Variants in SLC9A9 observed in about 807,000 individuals in gnomAD.
SLC9A9 encodes sodium/hydrogen exchanger 9.
A neutral mutation model predicts 77.8 loss-of-function variants in SLC9A9; 62 were observed. The ratio of observed to expected loss-of-function variants is 0.80; its 90% CI spans 0.65 to 0.98. The LOEUF is 0.98. Among genes scored for constraint, SLC9A9 ranks in the 50% least tolerant of loss-of-function variants. SLC9A9 has a pLI of 0.00. For missense variants in SLC9A9, 775 were observed against 774.9 expected (o/e 1.00, Z 0.00); for synonymous variants, 320 against 283.5 (o/e 1.13, Z -1.29).
At chr3:143,661,177 G>A (rs560419606) in intron 5 of SLC9A9, among the ~76,000 whole-genome samples, 8 of 152,320 alleles carry the variant, frequency 5.3e-5, no homozygotes, top group African/African-American at 1.9e-4. Context: ...AGGGGAGCAA[G>A]CCAAAAGTCA....
intron 4 of SLC9A9, among the ~76,000 whole-genome samples, chr3:143,765,815 T>C (rs1020105209): frequency 1.3e-5 from 2 of 152,332 alleles, no homozygotes; most frequent in African/African-American, 4.8e-5. Flanking sequence ...TCTCTGACTG[T>C]AGCCTCAGGC....
At chr3:143,709,358 A>G (rs2108795090) in intron 4 of SLC9A9, among the ~76,000 whole-genome samples, 1 of 152,252 alleles carries the variant, frequency 6.6e-6, no homozygotes, top group East Asian at 1.9e-4. Context: ...GCTCGAAATT[A>G]ATACCCCTGG....
intron 9 of SLC9A9, among the ~76,000 whole-genome samples, chr3:143,545,838 C>A (rs1357311048): frequency 6.6e-6 from 1 of 152,194 alleles, no homozygotes; most frequent in Non-Finnish European, 1.5e-5. Flanking sequence ...AGTTAAATGG[C>A]AAACTCTAAT....
At chr3:143,643,191 G>A (rs2038650949) in intron 6 of SLC9A9, among the ~76,000 whole-genome samples, 1 of 152,166 alleles carries the variant, frequency 6.6e-6, no homozygotes, top group African/African-American at 2.4e-5. Context: ...GGCAGTTTCA[G>A]TGTATTTGGA....
chr3:143,370,525 T>A (rs918197742), intron 13 of SLC9A9, among the ~76,000 whole-genome samples: 1 of 150,792 alleles, frequency 6.6e-6, no homozygotes, highest in African/African-American at 2.4e-5. Context: ...GTTGGTGTGA[T>A]AACTCTTTTA....
chr3:143,614,878 T>C (rs1289719687), intron 6 of SLC9A9, among the ~76,000 whole-genome samples: 1 of 152,214 alleles, frequency 6.6e-6, no homozygotes, highest in Non-Finnish European at 1.5e-5. Flanking sequence ...CTTAAGTCCA[T>C]GTATTGAAAT....
intron 5 of SLC9A9, among the ~76,000 whole-genome samples, chr3:143,659,584 T>C (rs1035558252): frequency 5.9e-5 from 9 of 152,044 alleles, no homozygotes; most frequent in African/African-American, 1.9e-4. Flanking sequence ...ACAAGAGTAA[T>C]ATTGAGAAGA....
chr3:143,769,037 C>A (rs1241883897), intron 4 of SLC9A9, among the ~76,000 whole-genome samples: 2 of 152,026 alleles, frequency 1.3e-5, no homozygotes, highest in African/African-American at 4.8e-5. Context: ...CTTTTCTGTG[C>A]CTTAGTTTCC....
chr3:143,588,949 C>G (rs4839645), intron 6 of SLC9A9, among the ~76,000 whole-genome samples: 70,654 of 151,960 alleles, frequency 0.46, 17,730 homozygotes, highest in African/African-American at 0.67. Flanking sequence ...AGAATGCTGT[C>G]ATATGCGAAA....
intron 6 of SLC9A9, chr3:143,627,558 T>C: frequency 3.1e-6 from 1 of 318,894 alleles, no homozygotes; most frequent in South Asian, 3.7e-5. Context: ...AGTGGAACTA[T>C]GTAGTCAGCG....
At chr3:143,405,769 T>C (rs1274374778) in intron 12 of SLC9A9, among the ~76,000 whole-genome samples, 4 of 152,180 alleles carry the variant, frequency 2.6e-5, no homozygotes, top group African/African-American at 4.8e-5. Flanking sequence ...GTTGTATTCA[T>C]TGGGAGTAGT....
At chr3:143,357,126 T>C (rs776944166) in intron 14 of SLC9A9, among the ~76,000 whole-genome samples, 6 of 152,236 alleles carry the variant, frequency 3.9e-5, no homozygotes, top group African/African-American at 7.2e-5. Flanking sequence ...TGATTGCTTA[T>C]GTTTACTTCA....
intron 2 of SLC9A9, among the ~76,000 whole-genome samples, chr3:143,804,868 ATATCACAAACTT>A (rs1330969812): frequency 2.0e-5 from 3 of 152,190 alleles, no homozygotes; most frequent in Admixed American, 1.3e-4. Context: ...CATCACAGAC[ATATCACAAACTT>A]TATCAGTCCT....
chr3:143,544,334 C>T (rs1311858932), intron 9 of SLC9A9, among the ~76,000 whole-genome samples: 1 of 152,130 alleles, frequency 6.6e-6, no homozygotes, highest in African/African-American at 2.4e-5. Flanking sequence ...TCATGCCATT[C>T]TCCTGTCTCA....
chr3:143,586,812 GCA>G (rs2037548658), intron 6 of SLC9A9, among the ~76,000 whole-genome samples: 1 of 152,194 alleles, frequency 6.6e-6, no homozygotes, highest in Non-Finnish European at 1.5e-5. Flanking sequence ...GGCATTCCAG[GCA>G]CCCTGGGAGG....
At chr3:143,608,481 G>C (rs1352774062) in intron 6 of SLC9A9, among the ~76,000 whole-genome samples, 1 of 152,180 alleles carries the variant, frequency 6.6e-6, no homozygotes, top group African/African-American at 2.4e-5. Flanking sequence ...CACACACCAG[G>C]ATAGTGAAGC....
At chr3:143,312,971 A>G (rs911639828) in intron 14 of SLC9A9, 1 of 152,346 alleles carries the variant, frequency 6.6e-6, no homozygotes, top group Non-Finnish European at 1.5e-5. Context: ...TCTTTGGGCA[A>G]GAAAGCTAAC....
At chr3:143,572,941 G>A (rs905102132) in intron 8 of SLC9A9, among the ~76,000 whole-genome samples, 7 of 152,156 alleles carry the variant, frequency 4.6e-5, no homozygotes, top group African/African-American at 1.7e-4. Context: ...TTAGAGGTCC[G>A]CTTGATGTTT....
At chr3:143,397,815 G>C (rs530485156) in intron 12 of SLC9A9, among the ~76,000 whole-genome samples, 16 of 152,114 alleles carry the variant, frequency 1.1e-4, no homozygotes, top group Non-Finnish European at 1.9e-4. Flanking sequence ...TTGATGCAAG[G>C]AGCATATTCT....
Sources: gnomAD v4.1 joint callset for allele counts (sites outside exome capture counted in the v4.1 genomes callset) on GRCh38, gnomAD v4.1.1 for gene constraint, MANE v1.5 for transcripts, NCBI Gene and HGNC (gene_info 2026-07-23, HGNC 2026-07-21) for gene names.